The following GALNT13 variants were observed in gnomAD, a reference collection of about 807,000 sequenced individuals.
GALNT13 encodes the protein UDP-GalNAc:polypeptide N-acetylgalactosaminyltransferase 13.
GALNT13 carries 28 observed loss-of-function variants against 64.2 expected under a neutral mutation model. That is an observed-to-expected ratio of 0.44 (90% confidence interval 0.32 to 0.60). The LOEUF (loss-of-function observed/expected upper bound fraction) is 0.60, where lower values mean the gene tolerates loss of function less well. GALNT13 is among the 20% of genes least tolerant of loss of function. The pLI is 0.05. For missense variants in GALNT13, 577 were observed against 669.8 expected (o/e 0.86, Z 1.53); for synonymous variants, 214 against 224.6 (o/e 0.95, Z 0.42).
At chr2:154,148,508 T>C (rs1683765347) in intron 4 of GALNT13, among the ~76,000 whole-genome samples, 1 of 152,114 alleles carries the variant, frequency 6.6e-6, no homozygotes, top group Admixed American at 6.6e-5. Flanking sequence ...CACACTGACT[T>C]CCACAATGGT....
chr2:154,327,425 T>C (rs1196538351), intron 9 of GALNT13, among the ~76,000 whole-genome samples: 3 of 152,124 alleles, frequency 2.0e-5, no homozygotes, highest in Non-Finnish European at 4.4e-5. Context: ...TTATTGTTTT[T>C]AAGTTAAAAT....
At chr2:153,138,186 C>CT in the GALNT13 span, among the ~76,000 whole-genome samples, 1 of 152,100 alleles carries the variant, frequency 6.6e-6, no homozygotes, top group East Asian at 1.9e-4. Context: ...GGAATTCAAA[C>CT]TTTCAGATTC....
intron 9 of GALNT13, among the ~76,000 whole-genome samples, chr2:154,365,072 A>C (rs1697293742): frequency 6.6e-6 from 1 of 152,202 alleles, no homozygotes; most frequent in Admixed American, 6.5e-5. Flanking sequence ...AACATCGTTC[A>C]ATTTTCACAT....
intron 3 of GALNT13, among the ~76,000 whole-genome samples, chr2:153,975,083 T>A (rs967109039): frequency 2.0e-5 from 3 of 152,022 alleles, no homozygotes; most frequent in African/African-American, 7.2e-5. Flanking sequence ...GCAAATTAGG[T>A]AGGAAATATT....
chr2:154,071,339 C>A (rs1356589927), intron 3 of GALNT13, among the ~76,000 whole-genome samples: 1 of 152,072 alleles, frequency 6.6e-6, no homozygotes, highest in African/African-American at 2.4e-5. Context: ...TCTAGAATTT[C>A]TGGGTCTTTG....
chr2:154,225,582 C>T (rs138311809), intron 4 of GALNT13, among the ~76,000 whole-genome samples: 1 of 151,984 alleles, frequency 6.6e-6, no homozygotes, highest in Non-Finnish European at 1.5e-5. Flanking sequence ...CAATAGATGA[C>T]GTAGGTACAG....
chr2:153,646,831 T>C, the GALNT13 span, among the ~76,000 whole-genome samples: 1 of 152,198 alleles, frequency 6.6e-6, no homozygotes, highest in Non-Finnish European at 1.5e-5. Flanking sequence ...CCATGGTGTA[T>C]ATGTGCCACA....
chr2:153,990,871 A>T (rs1397630015), intron 3 of GALNT13, among the ~76,000 whole-genome samples: 3 of 152,206 alleles, frequency 2.0e-5, no homozygotes, highest in African/African-American at 7.2e-5. Flanking sequence ...AACATTTGAG[A>T]AGCAGATTGA....
the GALNT13 span, among the ~76,000 whole-genome samples, chr2:153,229,922 G>C: frequency 6.6e-6 from 1 of 152,152 alleles, no homozygotes; most frequent in African/African-American, 2.4e-5. Flanking sequence ...GCTTAATGGA[G>C]TTTTATACAC....
the GALNT13 span, among the ~76,000 whole-genome samples, chr2:153,106,756 A>T: frequency 1.3e-5 from 2 of 152,038 alleles, no homozygotes; most frequent in African/African-American, 4.8e-5. Context: ...TGGAAGAAAT[A>T]TTTTTTTCCA....
the GALNT13 span, among the ~76,000 whole-genome samples, chr2:153,807,295 A>G: frequency 2.0e-5 from 3 of 151,906 alleles, no homozygotes; most frequent in African/African-American, 7.2e-5. Flanking sequence ...AAACTTGAAT[A>G]AGGTTTTTAT....
At chr2:153,550,060 T>G in the GALNT13 span, among the ~76,000 whole-genome samples, 1 of 152,188 alleles carries the variant, frequency 6.6e-6, no homozygotes, top group African/African-American at 2.4e-5. Flanking sequence ...AGATATTGAC[T>G]GAAAGACATG....
At chr2:153,583,788 C>G in the GALNT13 span, among the ~76,000 whole-genome samples, 1 of 152,166 alleles carries the variant, frequency 6.6e-6, no homozygotes, top group African/African-American at 2.4e-5. Flanking sequence ...CCAGCAGTGT[C>G]AATCCTAGCT....
At chr2:153,345,652 TTTCTTTC>T in the GALNT13 span, among the ~76,000 whole-genome samples, 2 of 131,286 alleles carry the variant, frequency 1.5e-5, no homozygotes, top group African/African-American at 5.9e-5. Context: ...TCTTTCTTTC[TTTCTTTC>T]TTTCTTTCTT....
intron 4 of GALNT13, among the ~76,000 whole-genome samples, chr2:154,199,564 C>T (rs2105776197): frequency 6.6e-6 from 1 of 151,956 alleles, no homozygotes; most frequent in African/African-American, 2.4e-5. Context: ...ACTTCCAAGA[C>T]AAGGTGGTTA....
chr2:154,154,448 A>G (rs1684279387), intron 4 of GALNT13, among the ~76,000 whole-genome samples: 1 of 152,218 alleles, frequency 6.6e-6, no homozygotes, highest in South Asian at 2.1e-4. Flanking sequence ...ATAATAGTCA[A>G]CAAGGAGATT....
the GALNT13 span, among the ~76,000 whole-genome samples, chr2:153,799,970 A>G: frequency 1.3e-5 from 2 of 152,032 alleles, no homozygotes; most frequent in Non-Finnish European, 2.9e-5. Context: ...TATCTTGCCT[A>G]GAATGACTGG....
chr2:154,183,342 T>G (rs1298559603), intron 4 of GALNT13, among the ~76,000 whole-genome samples: 1 of 152,178 alleles, frequency 6.6e-6, no homozygotes, highest in Admixed American at 6.6e-5. Context: ...TTATGATCCT[T>G]TATACTTGTG....
the GALNT13 span, among the ~76,000 whole-genome samples, chr2:153,459,135 G>A: frequency 6.6e-6 from 1 of 151,960 alleles, no homozygotes; most frequent in Non-Finnish European, 1.5e-5. Context: ...AAATGTGAGA[G>A]GAATAACTTC....
Sources: allele counts gnomAD v4.1 joint callset (sites outside exome capture counted in the v4.1 genomes callset), GRCh38; gene constraint gnomAD v4.1.1; transcripts MANE v1.5; gene names NCBI Gene and HGNC (gene_info 2026-07-23, HGNC 2026-07-21).